The following PARD3B variants were observed in gnomAD, a reference collection of about 807,000 sequenced individuals.
The protein encoded by PARD3B is partitioning defective 3 homolog B.
In PARD3B, 103 loss-of-function variants were observed where a neutral mutation model predicts 130.2. The ratio of observed to expected loss-of-function variants is 0.79; its 90% CI spans 0.67 to 0.93. The LOEUF (loss-of-function observed/expected upper bound fraction) is 0.93, where lower values mean the gene tolerates loss of function less well. Among genes scored for constraint, PARD3B ranks in the 40% least tolerant of loss-of-function variants. PARD3B has a pLI of 0.00. For synonymous variants in PARD3B, 583 were observed against 553.2 expected, an observed-to-expected ratio of 1.05 and a Z score of -0.76; for missense variants, 1,609 against 1,499.2, an observed-to-expected ratio of 1.07 and a Z score of -1.21.
intron 1 of PARD3B, among the ~76,000 whole-genome samples, chr2:204,588,320 A>G (rs1044305905): frequency 3.3e-5 from 5 of 152,206 alleles, no homozygotes; most frequent in African/African-American, 1.2e-4. Flanking sequence ...GGCCTGTAAT[A>G]AAACAGTGCT....
At chr2:205,433,690 T>C (rs1003112707) in intron 19 of PARD3B, among the ~76,000 whole-genome samples, 1 of 152,212 alleles carries the variant, frequency 6.6e-6, no homozygotes, top group East Asian at 1.9e-4. Context: ...CCTCATACTT[T>C]TTCCCATTCA....
At chr2:205,204,700 T>A (rs1158423695) in intron 15 of PARD3B, among the ~76,000 whole-genome samples, 1 of 152,222 alleles carries the variant, frequency 6.6e-6, no homozygotes, top group Non-Finnish European at 1.5e-5. Flanking sequence ...ATTTATTAAA[T>A]AGGGAATCCT....
At chr2:205,534,964 G>A (rs116362125) in intron 21 of PARD3B, among the ~76,000 whole-genome samples, 1,665 of 152,242 alleles carry the variant, frequency 0.011, 43 homozygotes, top group African/African-American at 0.038. Flanking sequence ...CAAAACCAGA[G>A]GCTATTATAT....
In PARD3B at chr2:204,952,139, C is replaced by T. The variant is rs560094657; in HGVS notation, c.223-13013C>T. Reference sequence around the variant, plus strand: ...GTTTTGTGAGTAGATTTACCCCGTGCTAGTAATGGACATATTATATGAAAT... The same window carrying T: ...GTTTTGTGAGTAGATTTACCCCGTGTTAGTAATGGACATATTATATGAAAT... On this transcript the variant is annotated intron_variant, in intron 2 of 22. Transcript: ENST00000406610. 3.3e-5 allele frequency among the ~76,000 whole-genome samples: 5 copies of T among 152,180 alleles called. No homozygotes were observed. In the South Asian group the frequency reaches 1.0e-3, roughly 32 times the overall value.
chr2:205,333,619 T>C (rs1250660570), intron 18 of PARD3B, among the ~76,000 whole-genome samples: 6 of 152,222 alleles, frequency 3.9e-5, no homozygotes, highest in African/African-American at 1.4e-4. Flanking sequence ...ATCAGGTTTC[T>C]GATATAAACT....
intron 20 of PARD3B, among the ~76,000 whole-genome samples, chr2:205,479,976 C>T (rs2049169271): frequency 6.6e-6 from 1 of 151,064 alleles, no homozygotes; most frequent in African/African-American, 2.4e-5. Context: ...AATCTCAGCC[C>T]ACTGCAACCT....
chr2:205,040,289 A>C (rs1007185461), intron 3 of PARD3B, among the ~76,000 whole-genome samples: 17 of 152,136 alleles, frequency 1.1e-4, no homozygotes. Context: ...GGCTATCTAA[A>C]TTAGAAAACT....
chr2:205,377,221 G>A (rs187511523), intron 18 of PARD3B, among the ~76,000 whole-genome samples: 1 of 152,294 alleles, frequency 6.6e-6, no homozygotes, highest in African/African-American at 2.4e-5. Flanking sequence ...AAGGAAGAGA[G>A]TGGGTAGATG....
intron 2 of PARD3B, among the ~76,000 whole-genome samples, chr2:204,787,108 A>C (rs962726981): frequency 6.6e-6 from 1 of 152,096 alleles, no homozygotes; most frequent in East Asian, 1.9e-4. Flanking sequence ...GTTACTCAGC[A>C]CATCTTTTTG....
rs192862172 is a variant in PARD3B at position 204,841,294 on chromosome 2, G to T, written c.223-123858G>T. ...AATTATAGCCTCAAGGGTATCCTTGGGAAGGAGCCAGACAAAAGGTGCATG... is the reference window on the plus strand; with the variant it reads ...AATTATAGCCTCAAGGGTATCCTTGTGAAGGAGCCAGACAAAAGGTGCATG... On this transcript the variant is annotated intron_variant, in intron 2 of 22. Coordinates refer to ENST00000406610, the MANE Select transcript of PARD3B (RefSeq NM_001302769.2). Among the ~76,000 whole-genome samples, 545 of 152,142 alleles carry T rather than the reference G, an allele frequency of 3.6e-3. 2 individuals are homozygous for T. Among genetic ancestry groups the T allele is most frequent in the African/African-American group, 0.013 (524 of 41,510 alleles).
chr2:204,635,936 C>T (rs1338458826), intron 1 of PARD3B, among the ~76,000 whole-genome samples: 1 of 152,208 alleles, frequency 6.6e-6, no homozygotes, highest in East Asian at 1.9e-4. Context: ...TCTTGTAAGG[C>T]ATATTTGTCT....
intron 19 of PARD3B, among the ~76,000 whole-genome samples, chr2:205,427,622 A>T (rs1244132193): frequency 6.6e-6 from 1 of 152,174 alleles, no homozygotes; most frequent in Admixed American, 6.6e-5. Context: ...AAACAAATAT[A>T]GTTATATTGC....
intron 21 of PARD3B, among the ~76,000 whole-genome samples, chr2:205,500,742 A>T (rs1319526324): frequency 6.6e-6 from 1 of 152,232 alleles, no homozygotes; most frequent in Non-Finnish European, 1.5e-5. Flanking sequence ...TGCACATCAG[A>T]TACATAGAAC....
At chr2:205,043,084 T>C (rs1195842696) in intron 3 of PARD3B, among the ~76,000 whole-genome samples, 1 of 152,146 alleles carries the variant, frequency 6.6e-6, no homozygotes, top group Admixed American at 6.6e-5. Context: ...AACTAATGAA[T>C]AGCAAAATTT....
At chr2:205,307,146 G>T (rs949082782) in intron 18 of PARD3B, among the ~76,000 whole-genome samples, 1 of 152,112 alleles carries the variant, frequency 6.6e-6, no homozygotes, top group Non-Finnish European at 1.5e-5. Context: ...TGGTGTTCTT[G>T]TTCTTGTTTG....
chr2:205,302,065 CTTTTTTTTT>C (rs3048088), intron 18 of PARD3B, among the ~76,000 whole-genome samples: 9 of 77,778 alleles, frequency 1.2e-4, no homozygotes, highest in South Asian at 6.1e-4. Context: ...TTTTTCTTTT[CTTTTTTTTT>C]TTTTTTTTTT....
intron 2 of PARD3B, among the ~76,000 whole-genome samples, chr2:204,912,363 T>A (rs933163377): frequency 6.9e-6 from 1 of 144,432 alleles, no homozygotes; most frequent in Non-Finnish European, 1.6e-5. Flanking sequence ...AAGAAGTAAC[T>A]CAACAGAATA....
chr2:204,729,984 TACACACACACACAAACAC>T (rs1220527455), intron 2 of PARD3B, among the ~76,000 whole-genome samples: 4 of 81,782 alleles, frequency 4.9e-5, no homozygotes, highest in Non-Finnish European at 8.2e-5. Flanking sequence ...TAGTTACAGA[TACACACACACACAAACAC>T]ACACACACAC....
chr2:205,393,382 C>T (rs1408162778), intron 18 of PARD3B, among the ~76,000 whole-genome samples: 2 of 152,170 alleles, frequency 1.3e-5, no homozygotes, highest in African/African-American at 4.8e-5. Context: ...CATCCAGGTC[C>T]AGAAAATACT....
Sources: allele counts gnomAD v4.1 joint callset (sites outside exome capture counted in the v4.1 genomes callset), GRCh38; gene constraint gnomAD v4.1.1; transcripts MANE v1.5; gene names NCBI Gene and HGNC (gene_info 2026-07-23, HGNC 2026-07-21).